The following SMG9 variants were observed in gnomAD, a reference collection of about 807,000 sequenced individuals.
SMG9 encodes SMG9 nonsense mediated mRNA decay factor.
In SMG9, 55 loss-of-function variants were observed where a neutral mutation model predicts 64.0. That is an observed-to-expected ratio of 0.86 (90% CI 0.69 to 1.08). The LOEUF is 1.08. SMG9 is among the 50% of genes least tolerant of loss of function. The pLI, the probability that SMG9 is intolerant of heterozygous loss-of-function variation, is 0.00. For synonymous variants in SMG9, 244 were observed against 254.8 expected (o/e 0.96, Z 0.41); for missense variants, 554 against 681.3 (o/e 0.81, Z 2.08).
At chr19:43,733,215 G>A in intron 12 of SMG9, 109 bp downstream of exon 12, 1 of 1,475,644 alleles carries the variant, frequency 6.8e-7, no homozygotes, top group South Asian at 1.3e-5. Flanking sequence ...GCTCCACACT[G>A]CTCCCAAACC....
intron 10 of SMG9, chr19:43,734,057 C>A: frequency 3.8e-6 from 2 of 525,746 alleles, no homozygotes; most frequent in South Asian, 5.0e-5. Flanking sequence ...GGAGGGAGAA[C>A]AGGTGGACGG....
At chr19:43,753,514 G>A (rs550120412) in intron 1 of SMG9, among the ~76,000 whole-genome samples, 31 of 144,338 alleles carry the variant, frequency 2.1e-4, no homozygotes, top group Admixed American at 4.3e-4. Context: ...AGGCTGGAGT[G>A]CAGTGGCACG....
intron 6 of SMG9, among the ~76,000 whole-genome samples, chr19:43,743,332 A>G (rs1312254487): frequency 6.6e-6 from 1 of 152,226 alleles, no homozygotes; most frequent in Non-Finnish European, 1.5e-5. Flanking sequence ...GAGTGAGCAG[A>G]GAAGAGGAGG....
At chr19:43,731,714 T>G in intron 13 of SMG9, 40 bp from the exon 14 acceptor site, 2 of 1,612,742 alleles carry the variant, frequency 1.2e-6, no homozygotes, top group Non-Finnish European at 1.7e-6. Flanking sequence ...TGGCCGGGGC[T>G]CCCCCCAGCC....
At position 43,737,688 on chromosome 19, in the gene SMG9, G is replaced by A; in HGVS notation, c.910-6C>T. 1 of 1,613,722 alleles carries A rather than the reference G, an allele frequency of 6.2e-7. No homozygotes were observed. Among genetic ancestry groups the A allele is most frequent in the Non-Finnish European group, 8.5e-7 (1 of 1,179,824 alleles). On this transcript the variant is annotated splice_polypyrimidine_tract_variant and splice_region_variant and intron_variant, in intron 8 of 13. Coordinates refer to ENST00000270066, the MANE Select transcript of SMG9 (RefSeq NM_019108.4). ...AAGGCAGCAATCTGGAGTGACTGAG[G>A]GTGGGCAGGATGGAAGGGAGGTGAG...
At chr19:43,750,518 T>C (rs1204019306) in intron 2 of SMG9, 74 bp downstream of exon 2, 14 of 1,507,134 alleles carry the variant, frequency 9.3e-6, no homozygotes, top group Non-Finnish European at 2.7e-6. Context: ...GGCATCTGGA[T>C]TAGTGCCTGG....
Position 43,731,131 on chromosome 19 carries a change from G to T in SMG9, c.*465C>A. ...CCAGAGCTGCATGGTGGGTAGAGGA[G>T]TAAGTGGAACATAAGAACAGGCTTG... On this transcript the variant is annotated 3_prime_UTR_variant, in exon 14 of 14. Transcript: ENST00000270066. 5 of 988,582 alleles carry T rather than the reference G, an allele frequency of 5.1e-6. No homozygotes were observed. Among genetic ancestry groups the T allele is most frequent in the Non-Finnish European group, 6.0e-6 (5 of 832,054 alleles). The allele number at this position is 988,582 out of a possible 1,614,324, so 61.2% of individuals were successfully genotyped here.
At chr19:43,733,242 C>T (rs1600189681) in intron 12 of SMG9, 82 bp downstream of exon 12, 1 of 1,545,186 alleles carries the variant, frequency 6.5e-7, no homozygotes, top group Non-Finnish European at 8.7e-7. Context: ...ACCCATGTCG[C>T]CTCCTAGACC....
At chr19:43,731,999 A>G (rs1968500567) in intron 13 of SMG9, among the ~76,000 whole-genome samples, 1 of 152,230 alleles carries the variant, frequency 6.6e-6, no homozygotes, top group South Asian at 2.1e-4. Context: ...CTCCCTCCAG[A>G]GTCTTACGAC....
intron 5 of SMG9, among the ~76,000 whole-genome samples, chr19:43,745,426 T>C (rs895285813): frequency 6.6e-6 from 1 of 152,176 alleles, no homozygotes; most frequent in African/African-American, 2.4e-5. Context: ...GGAAATTAAC[T>C]GAGACCAACT....
rs926487282 is a variant in SMG9 at position 43,750,917 on chromosome 19, T to C, written c.-6-170A>G. Among the ~76,000 whole-genome samples the C allele has an allele frequency of 3.9e-5, 6 of 152,212 alleles. No homozygotes were observed. In the South Asian group the frequency reaches 1.0e-3, roughly 26 times the overall value. ...TTGGCTCACTGCAACCTCTGCCTCC[T>C]GAGTTCAAGCAATTCTTCTGCCTCA... is the stretch of plus-strand genomic sequence containing the variant. On this transcript the variant is annotated intron_variant, in intron 1 of 13. Coordinates refer to ENST00000270066, the MANE Select transcript of SMG9 (RefSeq NM_019108.4).
At chr19:43,751,496 A>T (rs528313733) in intron 1 of SMG9, among the ~76,000 whole-genome samples, 15 of 152,356 alleles carry the variant, frequency 9.8e-5, no homozygotes, top group African/African-American at 3.4e-4. Flanking sequence ...CTGGTTCCCA[A>T]CATCCACTCC....
chr19:43,734,423 G>A lies in SMG9; in HGVS notation c.1068C>T (p.Gly356=), dbSNP rs199951999. The change falls in exon 10 of 14, where the codon GGC becomes GGT. Residue 356 remains glycine, a synonymous_variant. Coordinates refer to ENST00000270066, the MANE Select transcript of SMG9 (RefSeq NM_019108.4). Reference sequence around the variant, plus strand: ...GGTAGTACTCGGTGCCTTCATCGGAGCCCGATGAGCTGCTGGACTCGTGGC... The same window carrying A: ...GGTAGTACTCGGTGCCTTCATCGGAACCCGATGAGCTGCTGGACTCGTGGC... The part of the protein sequence containing the change: ...SPSHESSSSS[G]SDEGTEYYPH... 7 of 1,560,004 alleles carry A rather than the reference G, an allele frequency of 4.5e-6. No homozygotes were observed. The highest frequency in any genetic ancestry group is 6.1e-6 in the Non-Finnish European group (7 of 1,151,366).
chr19:43,744,209 A>G (rs937676007), intron 6 of SMG9, among the ~76,000 whole-genome samples: 3 of 152,196 alleles, frequency 2.0e-5, no homozygotes, highest in Admixed American at 6.5e-5. Flanking sequence ...AGCCTGGAGA[A>G]GCAGAGCCAT....
chr19:43,746,991 A>C (rs1193429932), intron 5 of SMG9, among the ~76,000 whole-genome samples: 1 of 151,756 alleles, frequency 6.6e-6, no homozygotes, highest in African/African-American at 2.4e-5. Flanking sequence ...CTAATTTTTA[A>C]ATTTTTGGTA....
chr19:43,749,287 T>A (rs964571558), intron 2 of SMG9, among the ~76,000 whole-genome samples: 4 of 151,878 alleles, frequency 2.6e-5, no homozygotes, highest in African/African-American at 7.3e-5. Flanking sequence ...TAAGGCCCAA[T>A]GGGCTGTCAC....
chr19:43,742,140 T>C (rs889437356), intron 6 of SMG9, among the ~76,000 whole-genome samples: 15 of 151,598 alleles, frequency 9.9e-5, no homozygotes, highest in South Asian at 4.2e-4. Flanking sequence ...AAAGCGACAA[T>C]TGTCTCAAAA....
At chr19:43,739,247 T>A (rs748601188) in intron 7 of SMG9, among the ~76,000 whole-genome samples, 13 of 152,250 alleles carry the variant, frequency 8.5e-5, no homozygotes, top group Non-Finnish European at 1.3e-4. Context: ...ATTGTACTGA[T>A]AATGGTATTA....
rs1404629289 is a variant in SMG9 at position 43,729,562 on chromosome 19, T to C, written c.*2034A>G. ...AACTCTCCTGGACTGAGTTGCATGC[T>C]GTCTGGTGCCGTCTTGCCTTGGGTC... On this transcript the variant is annotated 3_prime_UTR_variant, in exon 14 of 14. Coordinates refer to ENST00000270066, the MANE Select transcript of SMG9 (RefSeq NM_019108.4). The C allele has an allele frequency of 6.6e-6, 1 of 152,354 alleles. No homozygotes were observed. Among genetic ancestry groups the C allele is most frequent in the East Asian group, 1.9e-4 (1 of 5,190 alleles). 9.4% of individuals were successfully genotyped at this position (152,354 alleles called of 1,614,324 possible).
Sources: allele counts gnomAD v4.1 joint callset (sites outside exome capture counted in the v4.1 genomes callset), GRCh38; gene constraint gnomAD v4.1.1; transcripts MANE v1.5; gene names NCBI Gene and HGNC (gene_info 2026-07-23, HGNC 2026-07-21).